GLI1: variants seen among roughly 807,000 people sequenced by gnomAD.
GLI1 encodes the protein GLI family zinc finger 1, also known as transcription activator GLI1.
GLI1 carries 51 observed loss-of-function variants against 87.8 expected under a neutral mutation model. That is an observed-to-expected ratio of 0.58 (90% CI 0.46 to 0.73). The LOEUF (loss-of-function observed/expected upper bound fraction) is 0.73, where lower values mean the gene tolerates loss of function less well. GLI1 is among the 30% of genes least tolerant of loss of function. The pLI is 0.00. For missense variants in GLI1, 1,292 were observed against 1,437.2 expected, an observed-to-expected ratio of 0.90 and a Z score of 1.63; for synonymous variants, 528 against 558.2, an observed-to-expected ratio of 0.95 and a Z score of 0.76.
chr12:57,468,541 G>A (rs1346251366), intron 10 of GLI1, among the ~76,000 whole-genome samples: 1 of 151,820 alleles, frequency 6.6e-6, no homozygotes, highest in African/African-American at 2.4e-5. Flanking sequence ...CGCCCAGGCT[G>A]GAGTGTAGTG....
chr12:57,469,697 C>G lies in GLI1; in HGVS notation c.1575C>G (p.Thr525=), dbSNP rs756280054. The G allele has an allele frequency of 7.4e-6, 12 of 1,612,766 alleles. No homozygotes were observed. Among genetic ancestry groups the G allele is most frequent in the East Asian group, 6.7e-5 (3 of 44,886 alleles). ...TCAAACTGCCCAGCTTGTCCCACACCGGTGAGACCTGGGTGTGGGAGGTGT... is the reference window on the plus strand; with the variant it reads ...TCAAACTGCCCAGCTTGTCCCACACGGGTGAGACCTGGGTGTGGGAGGTGT... ...RGLKLPSLSH[T]GTTVSRRVGP... is the part of the protein sequence containing the mutation. Residue 525 remains threonine, a splice_region_variant and synonymous_variant, in exon 11 of 12, where the codon ACC becomes ACG. Transcript: ENST00000228682.
Position 57,463,770 on chromosome 12 carries a change from G to GC in GLI1, c.84dup (p.Ser29GlnfsTer17). 1 of 1,604,710 alleles carries GC rather than the reference G, an allele frequency of 6.2e-7. No homozygotes were observed. On this transcript the variant is annotated frameshift_variant, in exon 2 of 12. Transcript: ENST00000228682. LOFTEE classifies it high-confidence loss of function. ...TCTCCGGCCCCTCCCCAGTCAGGGG[G>GC]CCCCCAGTGTGGGGACAGAAGGTCA...
In GLI1 at chr12:57,468,133, C is replaced by T; in HGVS notation, c.1217C>T (p.Ala406Val). 6.2e-7 allele frequency: 1 copy of T among 1,614,132 alleles called. No homozygotes were observed. The highest frequency in any genetic ancestry group is 1.1e-5 in the South Asian group (1 of 91,084). The change falls in exon 10 of 12, where the codon GCA becomes GTA. Residue 406 changes from alanine (A) to valine (V), a missense_variant. Ala to Val is a moderately conservative substitution (Grantham distance 64, BLOSUM62 0). This residue lies in a region of GLI1 where 897 missense variants were observed against 1,040.7 expected (regional missense o/e 0.86). Coordinates refer to ENST00000228682, the MANE Select transcript of GLI1 (RefSeq NM_005269.3). ...CGTGGGGATGGCCCCCTGCCTCGGG[C>T]ACCATCCATTTCTACAGTGGAGCCC... is the stretch of plus-strand genomic sequence containing the variant. ...RHRGDGPLPR[A>V]PSISTVEPKR... is the part of the protein sequence containing the mutation.
At position 57,470,399 on chromosome 12, in the gene GLI1, T is replaced by C. The variant is rs1169976955; in HGVS notation, c.1659T>C (p.Tyr553=). The C allele has an allele frequency of 1.9e-6, 3 of 1,613,680 alleles. No homozygotes were observed. The highest frequency in any genetic ancestry group is 1.3e-5 in the African/African-American group (1 of 74,934). The change falls in exon 12 of 12, where the codon TAT becomes TAC. Residue 553 remains tyrosine (Y), a synonymous_variant. Transcript: ENST00000228682. ...SSSSSSISSA[Y]TVSRRSSLAS... ...GCTCCAGCAGCATCAGCTCTGCCTA[T>C]ACTGTCAGCCGCCGCTCCTCCCTGG...
intron 10 of GLI1, 42 bp from the exon 11 acceptor site, chr12:57,469,389 T>C: frequency 7.5e-6 from 12 of 1,597,510 alleles, no homozygotes; most frequent in Non-Finnish European, 1.0e-5. Flanking sequence ...TTGAAGGAGC[T>C]GTGGGGAAGG....
chr12:57,464,638 T>C lies in GLI1; in HGVS notation c.194-35T>C, dbSNP rs74096024. 18,268 of 1,539,970 alleles carry C rather than the reference T, an allele frequency of 0.012. 1,768 individuals are homozygous for C. The African/African-American group carries it at 0.21, about 18-fold the overall frequency. On this transcript the variant is annotated intron_variant, in intron 3 of 11. Coordinates refer to ENST00000228682, the MANE Select transcript of GLI1 (RefSeq NM_005269.3). ...TTAGGTGCATGGAGAGACATGCCCC[T>C]TTACCATATCCGTCTCCGCTGTCTC...
chr12:57,462,251 T>A (rs966540513), intron 1 of GLI1, among the ~76,000 whole-genome samples: 4 of 149,434 alleles, frequency 2.7e-5, no homozygotes, highest in Admixed American at 6.7e-5. Flanking sequence ...AAGGTCGAGT[T>A]GGGAGGTCTT....
chr12:57,470,805 C>G lies in GLI1; in HGVS notation c.2065C>G (p.Pro689Ala), dbSNP rs1871852838. The G allele has an allele frequency of 1.2e-6, 2 of 1,611,238 alleles. No individual in the cohort carries two copies. Among genetic ancestry groups the G allele is most frequent in the African/African-American group, 1.3e-5 (1 of 75,004 alleles). Residue 689 changes from proline (P) to alanine (A), a missense_variant, in exon 12 of 12, where the codon CCC becomes GCC. Pro to Ala is a conservative substitution (Grantham distance 27). Transcript: ENST00000228682. ...CCCAACCTCTGTCTACTCACCACAG[C>G]CCCCCAGCATCACTGAGAATGCTGC... ...YLPTSVYSPQPPSITENAAMD... is the reference protein window; with the variant it reads ...YLPTSVYSPQAPSITENAAMD...
In GLI1 at chr12:57,463,366, C is replaced by G. The variant is rs1194869482; in HGVS notation, c.-27-299C>G. ...CCGAGTAGCTGGGATTACAGGCACC[C>G]GCCATCATGACTGGCTAATTTTTGT... On this transcript the variant is annotated intron_variant, in intron 1 of 11. Transcript: ENST00000228682. Among the ~76,000 whole-genome samples, 3 of 152,294 alleles carry G rather than the reference C, an allele frequency of 2.0e-5. 1 individual carries two copies. The highest frequency in any genetic ancestry group is 1.3e-4 in the Admixed American group (2 of 15,296).
intron 1 of GLI1, among the ~76,000 whole-genome samples, chr12:57,461,695 G>T (rs561677502): frequency 3.3e-5 from 5 of 152,068 alleles, no homozygotes; most frequent in African/African-American, 7.2e-5. Flanking sequence ...CGGGGCGGGT[G>T]GGGGGAGCGG....
chr12:57,468,373 G>A, intron 10 of GLI1, 149 bp downstream of exon 10: 1 of 596,998 alleles, frequency 1.7e-6, no homozygotes, highest in Non-Finnish European at 3.0e-6. Context: ...TTGCTCTTTG[G>A]GCTTCCCCAA....
At position 57,471,323 on chromosome 12, in the gene GLI1, G is replaced by T; in HGVS notation, c.2583G>T (p.Gln861His). 1 of 1,575,954 alleles carries T rather than the reference G, an allele frequency of 6.3e-7. No individual in the cohort carries two copies. Reference protein sequence around the residue: ...YPQPSPPQYLQSGPYTQPPPD... With the variant: ...YPQPSPPQYLHSGPYTQPPPD... ...AGCCCTCTCCTCCCCAATATCTCCA[G>T]TCAGGCCCCTATACCCAGCCACCCC... The change falls in exon 12 of 12, where the codon CAG (glutamine) becomes CAT (histidine). Residue 861 changes from glutamine (Q) to histidine (H), a missense_variant. This residue lies in a region of GLI1 where 897 missense variants were observed against 1,040.7 expected (regional missense o/e 0.86). Coordinates refer to ENST00000228682, the MANE Select transcript of GLI1 (RefSeq NM_005269.3). This position sits in a 1 kb window ranked among gnomAD's most constrained non-coding sequence, Gnocchi z 4.9.
chr12:57,468,887 G>T (rs1871680196), intron 10 of GLI1, among the ~76,000 whole-genome samples: 2 of 152,114 alleles, frequency 1.3e-5, no homozygotes, highest in Non-Finnish European at 2.9e-5. Flanking sequence ...GAGTAGCTGG[G>T]ACTACAGGCG....
Position 57,470,624 on chromosome 12 carries a change from A to G in GLI1, c.1884A>G (p.Gly628=). The G allele has an allele frequency of 6.2e-7, 1 of 1,613,998 alleles. No individual in the cohort carries two copies. Among genetic ancestry groups the G allele is most frequent in the South Asian group, 1.1e-5 (1 of 91,034 alleles). Residue 628 remains glycine (G), a synonymous_variant, in exon 12 of 12, where the codon GGA becomes GGG. Coordinates refer to ENST00000228682, the MANE Select transcript of GLI1 (RefSeq NM_005269.3). ...PPWRSRAEYP[G]YNPNAGVTRR... ...GGAGAAGCCGAGCCGAGTATCCAGG[A>G]TACAACCCCAATGCAGGGGTCACCC...
At chr12:57,465,999 G>A (rs1871457087) in intron 7 of GLI1, 74 bp downstream of exon 7, 21 of 1,418,456 alleles carry the variant, frequency 1.5e-5, no homozygotes, top group Non-Finnish European at 2.1e-5. Context: ...GGTGGAATCC[G>A]GCTGAGGGCA....
rs1361543026 is a variant in GLI1 at position 57,469,451 on chromosome 12, G to T, written c.1329G>T (p.Gly443=). The T allele has an allele frequency of 6.2e-7, 1 of 1,613,802 alleles. No individual in the cohort carries two copies. The highest frequency in any genetic ancestry group is 8.5e-7 in the Non-Finnish European group (1 of 1,180,024). The change falls in exon 11 of 12, where the codon GGG becomes GGT. Residue 443 remains glycine, a synonymous_variant. Coordinates refer to ENST00000228682, the MANE Select transcript of GLI1 (RefSeq NM_005269.3). The part of the protein sequence containing the change: ...EGAMKPQPSP[G]AQSSCSSDHS... The stretch of plus-strand genomic sequence containing the variant: ...CACAGAAGCCACAGCCAAGCCCTGG[G>T]GCCCAGTCATCCTGCAGCAGTGACC...
Position 57,471,786 on chromosome 12 carries a change from G to T in GLI1, c.3046G>T (p.Val1016Leu). ...AAACCCCAGCTGTGGTCATCCTGAGGTGGGCAGGCTAGGAGGGGGTCCTGC... is the reference window on the plus strand; with the variant it reads ...AAACCCCAGCTGTGGTCATCCTGAGTTGGGCAGGCTAGGAGGGGGTCCTGC... ...GTNPSCGHPE[V>L]GRLGGGPALY... Residue 1016 changes from valine (V) to leucine (L), a missense_variant, in exon 12 of 12, where the codon GTG becomes TTG. Physicochemically the swap from Val to Leu is conservative, Grantham distance 32. Coordinates refer to ENST00000228682, the MANE Select transcript of GLI1 (RefSeq NM_005269.3). The surrounding 1 kb of genome is among the most constrained non-coding windows in gnomAD (Gnocchi z 4.9). The T allele has an allele frequency of 6.4e-7, 1 of 1,563,936 alleles. No individual in the cohort carries two copies.
At chr12:57,468,694 T>C (rs1033471800) in intron 10 of GLI1, among the ~76,000 whole-genome samples, 2 of 152,056 alleles carry the variant, frequency 1.3e-5, no homozygotes, top group Non-Finnish European at 2.9e-5. Flanking sequence ...ACTCCTGGCC[T>C]TGAGCGATCC....
chr12:57,461,735 G>A (rs1871151063), intron 1 of GLI1, among the ~76,000 whole-genome samples: 5 of 151,594 alleles, frequency 3.3e-5, no homozygotes, highest in Admixed American at 2.6e-4. Flanking sequence ...CTGCGGCGGC[G>A]ACTTGGGTGG....
Sources: allele counts gnomAD v4.1 joint callset (sites outside exome capture counted in the v4.1 genomes callset), GRCh38; gene constraint gnomAD v4.1.1; regional missense constraint gnomAD v4.1.1; non-coding constraint Gnocchi (gnomAD v3.1); transcripts MANE v1.5; gene names NCBI Gene and HGNC (gene_info 2026-07-23, HGNC 2026-07-21).